MACROD1: variants seen among roughly 807,000 people sequenced by gnomAD.
MACROD1 encodes the protein mono-ADP ribosylhydrolase 1, also known as ADP-ribose glycohydrolase MACROD1.
A neutral mutation model predicts 41.4 loss-of-function variants in MACROD1; 31 were observed. The ratio of observed to expected loss-of-function variants is 0.75; its 90% confidence interval spans 0.56 to 1.01. The LOEUF (loss-of-function observed/expected upper bound fraction) is 1.01. Ranked by LOEUF, MACROD1 falls within the 50% of genes least tolerant of loss-of-function variation. The probability of loss-of-function intolerance (pLI) is 0.00; values close to 1 mark genes in which losing one functional copy is unlikely to be tolerated. For missense variants in MACROD1, 473 were observed against 460.0 expected (o/e 1.03, Z -0.26); for synonymous variants, 252 against 203.4 (o/e 1.24, Z -2.03).
intron 3 of MACROD1, among the ~76,000 whole-genome samples, chr11:64,065,472 G>T (rs1943981355): frequency 6.6e-6 from 1 of 152,178 alleles, no homozygotes; most frequent in Non-Finnish European, 1.5e-5. Context: ...GTGTGTGCTT[G>T]TCCTGAGCTA....
At chr11:64,106,479 A>G (rs1944765353) in intron 3 of MACROD1, among the ~76,000 whole-genome samples, 1 of 152,214 alleles carries the variant, frequency 6.6e-6, no homozygotes, top group Non-Finnish European at 1.5e-5. Context: ...ATAGGAGTTT[A>G]CATTCTAAGG....
intron 3 of MACROD1, among the ~76,000 whole-genome samples, chr11:64,137,279 G>C (rs759729167): frequency 6.6e-6 from 1 of 152,092 alleles, no homozygotes; most frequent in Non-Finnish European, 1.5e-5. Context: ...GGGCAGCGGC[G>C]GGGGGGTCTC....
At chr11:64,068,539 T>G (rs940345471) in intron 3 of MACROD1, among the ~76,000 whole-genome samples, 1 of 152,242 alleles carries the variant, frequency 6.6e-6, no homozygotes, top group East Asian at 1.9e-4. Flanking sequence ...TGCACATATT[T>G]ACTGCCGATT....
chr11:64,147,357 C>T (rs1358524627), intron 3 of MACROD1, among the ~76,000 whole-genome samples: 1 of 150,760 alleles, frequency 6.6e-6, no homozygotes, highest in African/African-American at 2.4e-5. Context: ...CAAGAGTGAG[C>T]CACCGCCTGC....
chr11:64,133,620 C>T (rs1027582092), intron 3 of MACROD1, among the ~76,000 whole-genome samples: 2 of 152,194 alleles, frequency 1.3e-5, no homozygotes, highest in Admixed American at 6.5e-5. Context: ...GGCCCTGCCA[C>T]CCGCCCCAGC....
intron 3 of MACROD1, among the ~76,000 whole-genome samples, chr11:64,129,867 C>G (rs903594761): frequency 2.0e-4 from 30 of 152,096 alleles, no homozygotes; most frequent in African/African-American, 7.2e-4. Flanking sequence ...GAGGGAATTG[C>G]CAGGACCTGC....
At chr11:64,029,217 G>C (rs1242169361) in intron 3 of MACROD1, among the ~76,000 whole-genome samples, 1 of 152,222 alleles carries the variant, frequency 6.6e-6, no homozygotes. Flanking sequence ...TGGGCGCTGG[G>C]CCTCAAGAGC....
Position 64,165,784 on chromosome 11 carries a change from G to T in MACROD1, c.211C>A (p.Arg71=). 6.7e-7 allele frequency: 1 copy of T among 1,489,336 alleles called. No individual in the cohort carries two copies. The allele number at this position is 1,489,336 out of a possible 1,614,324, so 92.3% of individuals were successfully genotyped here. A position where few individuals can be genotyped will look rare whatever the true frequency, so the allele number is the denominator to read the frequency against. Residue 71 remains arginine, a synonymous_variant, in exon 1 of 11, where the codon CGG becomes AGG. Coordinates refer to ENST00000255681, the MANE Select transcript of MACROD1 (RefSeq NM_014067.4). ...VGAWGAAAVG[R]TAGVRTWAPL... ...GCCCAAGTGCGCACCCCGGCTGTCCGCCCCACCGCCGCCGCCCCCCACGCC... is the reference window on the plus strand; with the variant it reads ...GCCCAAGTGCGCACCCCGGCTGTCCTCCCCACCGCCGCCGCCCCCCACGCC...
intron 3 of MACROD1, among the ~76,000 whole-genome samples, chr11:64,030,846 T>G (rs1590814975): frequency 6.7e-6 from 1 of 149,516 alleles, no homozygotes; most frequent in Non-Finnish European, 1.5e-5. Context: ...AGCTCAGGAG[T>G]TCGAATCCAG....
chr11:64,155,579 G>A (rs966191916), intron 1 of MACROD1, among the ~76,000 whole-genome samples: 1 of 152,236 alleles, frequency 6.6e-6, no homozygotes, highest in African/African-American at 2.4e-5. Flanking sequence ...CTACACGCCA[G>A]ACACACTCAC....
At position 64,152,331 on chromosome 11, in the gene MACROD1, T is replaced by C. The variant is rs1565262041; in HGVS notation, c.361A>G (p.Arg121Gly). The change falls in exon 2 of 11, where the codon AGG (arginine) becomes GGG (glycine). Residue 121 changes from arginine to glycine, a missense_variant. Transcript: ENST00000255681. ...EEHYFCKDFV[R>G]LKKIPTWKEM... ...TTCCATGTCGGGATCTTCTTCAGCC[T>C]GACAAAGTCCTTGCAGAAGTAATGT... 6.2e-7 allele frequency: 1 copy of C among 1,614,142 alleles called. No homozygotes were observed. Among genetic ancestry groups the C allele is most frequent in the Admixed American group, 1.7e-5 (1 of 60,008 alleles).
chr11:64,067,645 G>C lies in MACROD1; in HGVS notation c.518-52364C>G, dbSNP rs532120408. Reference sequence around the variant, plus strand: ...CCCGTGGCCTCCGGTGCACACACAGGGTCCCCAAGCAGGCAGCTGGAGGGC... The same window carrying C: ...CCCGTGGCCTCCGGTGCACACACAGCGTCCCCAAGCAGGCAGCTGGAGGGC... On this transcript the variant is annotated intron_variant, in intron 3 of 10. Coordinates refer to ENST00000255681, the MANE Select transcript of MACROD1 (RefSeq NM_014067.4). The surrounding 1 kb of genome is among the most constrained non-coding windows in gnomAD (Gnocchi z 4.6). 1.9e-4 allele frequency among the ~76,000 whole-genome samples: 29 copies of C among 152,250 alleles called. No homozygotes were observed. The East Asian group carries it at 4.1e-3, about 21-fold the overall frequency.
chr11:64,037,322 C>G (rs1435306841), intron 3 of MACROD1, among the ~76,000 whole-genome samples: 1 of 152,096 alleles, frequency 6.6e-6, no homozygotes, highest in Non-Finnish European at 1.5e-5. Flanking sequence ...CACCCTGTCT[C>G]TGCCCGGCGG....
intron 3 of MACROD1, among the ~76,000 whole-genome samples, chr11:64,131,940 G>T (rs1366424380): frequency 6.6e-6 from 1 of 152,192 alleles, no homozygotes; most frequent in African/African-American, 2.4e-5. Flanking sequence ...TGGCGGGAGG[G>T]AGGGGCGCAC....
chr11:64,033,477 C>T (rs1943320430), intron 3 of MACROD1, among the ~76,000 whole-genome samples: 1 of 152,222 alleles, frequency 6.6e-6, no homozygotes, highest in Admixed American at 6.5e-5. Context: ...GCCTCAACCT[C>T]CTGGGCTCAA....
At chr11:64,094,643 G>A (rs1321678610) in intron 3 of MACROD1, among the ~76,000 whole-genome samples, 1 of 152,212 alleles carries the variant, frequency 6.6e-6, no homozygotes, top group African/African-American at 2.4e-5. Context: ...GCAGACTCCG[G>A]AGGCTCAGTG....
intron 3 of MACROD1, among the ~76,000 whole-genome samples, chr11:64,092,413 C>G (rs2134527594): frequency 6.6e-6 from 1 of 152,302 alleles, no homozygotes; most frequent in East Asian, 1.9e-4. Context: ...GGGCTCTGAC[C>G]CTGCCTATGG....
At chr11:64,098,998 T>A (rs542593822) in intron 3 of MACROD1, among the ~76,000 whole-genome samples, 2 of 152,360 alleles carry the variant, frequency 1.3e-5, no homozygotes, top group African/African-American at 2.4e-5. Flanking sequence ...AAGGCAGCTA[T>A]GAACTGTAAA....
intron 4 of MACROD1, among the ~76,000 whole-genome samples, chr11:64,010,921 AGGGTGTTGGCTGGCATGTTGGTTG>A (rs1943003413): frequency 1.7e-5 from 1 of 59,412 alleles, no homozygotes; most frequent in African/African-American, 7.3e-5. Context: ...GGTGTTGGCC[AGGGTGTTGGCTGGCATGTTGGTTG>A]GGGTGTTGGC....
Sources: allele counts gnomAD v4.1 joint callset (sites outside exome capture counted in the v4.1 genomes callset), GRCh38; gene constraint gnomAD v4.1.1; non-coding constraint Gnocchi (gnomAD v3.1); transcripts MANE v1.5; gene names NCBI Gene and HGNC (gene_info 2026-07-23, HGNC 2026-07-21).